Variants in NAALADL2 observed in about 807,000 individuals in gnomAD.
The protein encoded by NAALADL2 is inactive N-acetylated-alpha-linked acidic dipeptidase-like protein 2.
NAALADL2 carries 76 observed loss-of-function variants against 87.2 expected under a neutral mutation model. The observed-to-expected ratio is 0.87, with a 90% CI of 0.72 to 1.05. The LOEUF (loss-of-function observed/expected upper bound fraction) is 1.05. Ranked by LOEUF, NAALADL2 falls within the 50% of genes least tolerant of loss-of-function variation. NAALADL2 has a pLI of 0.00. For missense variants in NAALADL2, 1,089 were observed against 945.8 expected, an observed-to-expected ratio of 1.15 and a Z score of -1.99; for synonymous variants, 354 against 331.0, an observed-to-expected ratio of 1.07 and a Z score of -0.75.
intron 1 of NAALADL2, among the ~76,000 whole-genome samples, chr3:174,527,365 A>G (rs957842591): frequency 1.3e-5 from 2 of 151,934 alleles, no homozygotes; most frequent in African/African-American, 4.8e-5. Flanking sequence ...CTAAAAATAC[A>G]AAAATTAGCT....
intron 2 of NAALADL2, among the ~76,000 whole-genome samples, chr3:174,720,855 G>A (rs73048118): frequency 0.045 from 6,776 of 152,164 alleles, 259 homozygotes; most frequent in African/African-American, 0.1. Context: ...AATTCCAGAT[G>A]CAAGTTTATT....
At chr3:175,250,962 C>T (rs117659107) in intron 3 of NAALADL2, among the ~76,000 whole-genome samples, 5 of 152,248 alleles carry the variant, frequency 3.3e-5, no homozygotes, top group East Asian at 1.9e-4. Flanking sequence ...ATGTATTTAA[C>T]GCTTTATGGC....
chr3:174,737,810 T>C (rs1017968915), intron 3 of NAALADL2: 3 of 152,226 alleles, frequency 2.0e-5, no homozygotes, highest in Non-Finnish European at 4.4e-5. Flanking sequence ...TTTAATAAGG[T>C]GACTTCATGT....
intron 10 of NAALADL2, among the ~76,000 whole-genome samples, chr3:175,596,871 G>A (rs897576164): frequency 4.0e-5 from 6 of 151,698 alleles, no homozygotes; most frequent in African/African-American, 1.5e-4. Context: ...TTAACTACAG[G>A]CAAAAAGAAG....
chr3:175,210,461 T>G (rs1249223413), intron 2 of NAALADL2, among the ~76,000 whole-genome samples: 1 of 151,762 alleles, frequency 6.6e-6, no homozygotes, highest in Non-Finnish European at 1.5e-5. Flanking sequence ...TATGTACATG[T>G]TTATGTGTTG....
chr3:175,414,931 G>A (rs914104416), intron 5 of NAALADL2, among the ~76,000 whole-genome samples: 1 of 152,178 alleles, frequency 6.6e-6, no homozygotes, highest in Non-Finnish European at 1.5e-5. Context: ...GGGACACTAT[G>A]TAGAGTAAAC....
chr3:175,015,530 G>C (rs76559934), intron 1 of NAALADL2, among the ~76,000 whole-genome samples: 6,035 of 152,114 alleles, frequency 0.04, 251 homozygotes, highest in East Asian at 0.2. Flanking sequence ...GGAAGCACTT[G>C]TGCTGGTATC....
At chr3:174,932,448 G>A (rs1276182531) in intron 1 of NAALADL2, among the ~76,000 whole-genome samples, 10 of 152,118 alleles carry the variant, frequency 6.6e-5, no homozygotes, top group African/African-American at 2.2e-4. Context: ...ATGTCTTTCC[G>A]GGTATAGGAA....
At chr3:175,796,364 C>T (rs2108321022) in intron 13 of NAALADL2, among the ~76,000 whole-genome samples, 1 of 152,270 alleles carries the variant, frequency 6.6e-6, no homozygotes, top group South Asian at 2.1e-4. Flanking sequence ...TAATTGCAGC[C>T]ATTTCCCTCA....
At chr3:175,359,417 A>T (rs1460608158) in intron 5 of NAALADL2, among the ~76,000 whole-genome samples, 1 of 151,928 alleles carries the variant, frequency 6.6e-6, no homozygotes, top group Non-Finnish European at 1.5e-5. Context: ...ACAACAAGCC[A>T]CTCCTTTGTG....
At chr3:175,141,918 C>T (rs1413458631) in intron 2 of NAALADL2, among the ~76,000 whole-genome samples, 2 of 152,078 alleles carry the variant, frequency 1.3e-5, no homozygotes, top group Non-Finnish European at 2.9e-5. Context: ...GCAGAATCTT[C>T]AGCATCTCTC....
At chr3:174,920,779 T>C (rs1735065323) in intron 1 of NAALADL2, among the ~76,000 whole-genome samples, 1 of 152,208 alleles carries the variant, frequency 6.6e-6, no homozygotes, top group African/African-American at 2.4e-5. Context: ...AGTTTAATCA[T>C]CTGTAGCTTT....
intron 9 of NAALADL2, among the ~76,000 whole-genome samples, chr3:175,535,171 C>T (rs1253524045): frequency 6.6e-6 from 1 of 152,104 alleles, no homozygotes; most frequent in Non-Finnish European, 1.5e-5. Context: ...ATAACAATGT[C>T]CACTATTCCA....
Position 174,967,454 on chromosome 3 carries a change from T to C in NAALADL2, c.43+108004T>C, listed in dbSNP as rs73048909. Among the ~76,000 whole-genome samples the C allele has an allele frequency of 7.9e-3, 1,200 of 152,266 alleles. 17 individuals are homozygous for C. The highest frequency in any genetic ancestry group is 0.027 in the African/African-American group (1,138 of 41,562). On this transcript the variant is annotated intron_variant, in intron 1 of 13. Transcript: ENST00000454872. ...TGTACTCTCATTTGCAATTTGACTT[T>C]GTTGCTCCTGTCTCAAGAGGTACAG...
chr3:175,303,470 A>T (rs35499481), intron 4 of NAALADL2, among the ~76,000 whole-genome samples: 29,943 of 151,986 alleles, frequency 0.2, 3,369 homozygotes, highest in Non-Finnish European at 0.25. Context: ...CCAAAAAAAA[A>T]TTTCCCATAT....
chr3:175,005,066 G>C (rs978589350), intron 1 of NAALADL2, among the ~76,000 whole-genome samples: 1 of 152,136 alleles, frequency 6.6e-6, no homozygotes, highest in Non-Finnish European at 1.5e-5. Flanking sequence ...AGTATTGCTT[G>C]AGTGTAATGA....
At chr3:175,486,375 G>T (rs1390357054) in intron 9 of NAALADL2, among the ~76,000 whole-genome samples, 1 of 152,030 alleles carries the variant, frequency 6.6e-6, no homozygotes, top group African/African-American at 2.4e-5. Flanking sequence ...TCCTCACTAC[G>T]TAGTCTCTAG....
At chr3:174,615,506 A>G (rs1720366294) in intron 2 of NAALADL2, among the ~76,000 whole-genome samples, 1 of 152,188 alleles carries the variant, frequency 6.6e-6, no homozygotes, top group Non-Finnish European at 1.5e-5. Context: ...GAAGATTTAG[A>G]AGCGTATTGC....
intron 2 of NAALADL2, among the ~76,000 whole-genome samples, chr3:174,632,855 A>G (rs1227652014): frequency 6.8e-6 from 1 of 147,676 alleles, no homozygotes; most frequent in Non-Finnish European, 1.5e-5. Context: ...GAATCACTTG[A>G]ACCCGGGAGG....
Sources: gnomAD v4.1 joint callset for allele counts (sites outside exome capture counted in the v4.1 genomes callset) on GRCh38, gnomAD v4.1.1 for gene constraint, MANE v1.5 for transcripts, NCBI Gene and HGNC (gene_info 2026-07-23, HGNC 2026-07-21) for gene names.